The following PFKM variants were observed in gnomAD, a reference collection of about 807,000 sequenced individuals.
The protein encoded by PFKM is phosphofructokinase, muscle.
In PFKM, 58 loss-of-function variants were observed where a neutral mutation model predicts 95.5. The observed-to-expected ratio is 0.61, with a 90% confidence interval of 0.49 to 0.76. PFKM has a LOEUF of 0.76. Ranked by LOEUF, PFKM falls within the 30% of genes least tolerant of loss-of-function variation. The pLI is 0.00. For synonymous variants in PFKM, 336 were observed against 357.2 expected, an observed-to-expected ratio of 0.94 and a Z score of 0.67; for missense variants, 678 against 1,005.4, an observed-to-expected ratio of 0.67 and a Z score of 4.40.
At chr12:48,110,220 C>T (rs1947061005) in intron 3 of PFKM, among the ~76,000 whole-genome samples, 1 of 152,010 alleles carries the variant, frequency 6.6e-6, no homozygotes. Flanking sequence ...GGCTGTGAAA[C>T]GGGAAAGAGC....
At position 48,139,913 on chromosome 12, in the gene PFKM, G is replaced by A. The variant is rs746348793; in HGVS notation, c.1191+1G>A. 1.7e-5 allele frequency: 28 copies of A among 1,604,168 alleles called. No homozygotes were observed. The highest frequency in any genetic ancestry group is 2.3e-5 in the Non-Finnish European group (27 of 1,171,174). The stretch of plus-strand genomic sequence containing the variant: ...TCATGTCAGACCCCCGGTATCTAAG[G>A]TACTGGCAAGTTGACTTGCCCTCTC... On this transcript the variant is annotated splice_donor_variant, in intron 13 of 22. Coordinates refer to ENST00000359794, the MANE Select transcript of PFKM (RefSeq NM_000289.6). LOFTEE classifies it high-confidence loss of function.
intron 3 of PFKM, among the ~76,000 whole-genome samples, chr12:48,110,497 A>G (rs1947084428): frequency 6.6e-6 from 1 of 152,160 alleles, no homozygotes; most frequent in Non-Finnish European, 1.5e-5. Context: ...CCTCTAGGCA[A>G]TGCATCACTA....
rs568533214 is a variant in PFKM at position 48,133,546 on chromosome 12, G to C, written c.593+66G>C. On this transcript the variant is annotated intron_variant, in intron 6 of 22. Transcript: ENST00000359794. The stretch of plus-strand genomic sequence containing the variant: ...GCTAGGACAGGCTAAAGGGCTAGAA[G>C]CTCCTGAAGACTAAAGCGTTTGAGC... The C allele has an allele frequency of 5.8e-5, 83 of 1,432,822 alleles. No homozygotes were observed. The East Asian group carries it at 1.7e-3, about 30-fold the overall frequency. 88.8% of individuals were successfully genotyped at this position (1,432,822 alleles called of 1,614,324 possible).
At position 48,141,362 on chromosome 12, in the gene PFKM, T is replaced by C. The variant is rs1310183638; in HGVS notation, c.1393T>C (p.Ser465Pro). The change falls in exon 15 of 23, where the codon TCT (serine) becomes CCT (proline). Residue 465 changes from serine to proline, a missense_variant. Transcript: ENST00000359794. ...TGGGGGCTGGACTGGCCAAGGTGGC[T>C]CTAAACTTGGGACTAAAAGGTAAGT... ...YVGGWTGQGG[S>P]KLGTKRTLPK... is the part of the protein sequence containing the mutation. 3 of 1,614,100 alleles carry C rather than the reference T, an allele frequency of 1.9e-6. No homozygotes were observed. The highest frequency in any genetic ancestry group is 1.1e-5 in the South Asian group (1 of 91,086).
intron 10 of PFKM, among the ~76,000 whole-genome samples, chr12:48,135,921 C>T (rs987180508): frequency 1.3e-5 from 1 of 78,142 alleles, no homozygotes; most frequent in Non-Finnish European, 3.0e-5. Context: ...CGCACCATTG[C>T]ACTCGCTCCC....
intron 7 of PFKM, 127 bp from the exon 8 acceptor site, chr12:48,134,594 C>A: frequency 1.3e-6 from 1 of 791,078 alleles, no homozygotes; most frequent in Non-Finnish European, 2.2e-6. Flanking sequence ...TTACCCTTGC[C>A]CCACGAATAA....
At chr12:48,110,745 T>C (rs936908013) in intron 3 of PFKM, among the ~76,000 whole-genome samples, 2 of 152,216 alleles carry the variant, frequency 1.3e-5, no homozygotes, top group Admixed American at 6.5e-5. Flanking sequence ...TCTTGTCTCT[T>C]ACCTGGCAGG....
intron 7 of PFKM, 101 bp downstream of exon 7, chr12:48,134,377 G>A (rs773481855): frequency 1.0e-6 from 1 of 981,846 alleles, no homozygotes; most frequent in Non-Finnish European, 1.7e-6. Context: ...AGCAGATCTG[G>A]AGGTGCACAT....
chr12:48,144,991 A>G (rs780966494), intron 20 of PFKM, 40 bp from the exon 21 acceptor site: 2 of 1,375,276 alleles, frequency 1.5e-6, no homozygotes, highest in South Asian at 2.3e-5. Context: ...CCACTTCATT[A>G]GAGTCCTTCC....
chr12:48,142,516 G>GTTT, intron 17 of PFKM: 4 of 423,048 alleles, frequency 9.5e-6, no homozygotes, highest in East Asian at 4.4e-5. Context: ...TGTTTTGTTT[G>GTTT]TTTTTTTTTT....
chr12:48,127,701 C>T (rs1193738274), intron 2 of PFKM, among the ~76,000 whole-genome samples: 1 of 152,204 alleles, frequency 6.6e-6, no homozygotes, highest in Admixed American at 6.5e-5. Flanking sequence ...ACACTGCTGC[C>T]AGAGTTATCT....
intron 13 of PFKM, 68 bp downstream of exon 13, chr12:48,139,980 T>C: frequency 9.8e-7 from 1 of 1,021,968 alleles, no homozygotes; most frequent in Non-Finnish European, 1.5e-6. Context: ...TCATAAATGC[T>C]ACCACAGTCC....
chr12:48,134,816 G>A lies in PFKM; in HGVS notation c.734G>A (p.Arg245His). The change falls in exon 8 of 23, where the codon CGC (arginine) becomes CAC (histidine). Residue 245 changes from arginine (R) to histidine (H), a missense_variant. Coordinates refer to ENST00000359794, the MANE Select transcript of PFKM (RefSeq NM_000289.6). ...PDDDWEEHLC[R>H]RLSETRTRGS... Reference sequence around the variant, plus strand: ...GACGACTGGGAGGAACACCTTTGTCGCCGACTCAGCGAGGTACTTGCACTT... The same window carrying A: ...GACGACTGGGAGGAACACCTTTGTCACCGACTCAGCGAGGTACTTGCACTT... 4 of 1,613,462 alleles carry A rather than the reference G, an allele frequency of 2.5e-6. No individual in the cohort carries two copies. Among genetic ancestry groups the A allele is most frequent in the Non-Finnish European group, 3.4e-6 (4 of 1,179,476 alleles).
intron 1 of PFKM, chr12:48,120,048 A>G (rs559835121): frequency 6.6e-6 from 1 of 152,350 alleles, no homozygotes; most frequent in East Asian, 1.9e-4. Flanking sequence ...GTGAATGAGA[A>G]GAAAAAACGG....
intron 3 of PFKM, 46 bp downstream of exon 3, chr12:48,130,482 C>T: frequency 7.3e-7 from 1 of 1,368,274 alleles, no homozygotes; most frequent in Non-Finnish European, 1.0e-6. Context: ...CTGTCTTCTT[C>T]TAAATCTGCC....
intron 1 of PFKM, chr12:48,106,565 C>A (rs928689272): frequency 5.3e-6 from 1 of 187,680 alleles, no homozygotes. Context: ...ATTGGAGATA[C>A]TTTAGTCTTA....
intron 1 of PFKM, among the ~76,000 whole-genome samples, chr12:48,120,210 C>T (rs1423292727): frequency 6.6e-6 from 1 of 152,064 alleles, no homozygotes; most frequent in Non-Finnish European, 1.5e-5. Context: ...TCTAGTCACG[C>T]GTGTCTCTAT....
chr12:48,134,053 A>G (rs568444108), intron 6 of PFKM, among the ~76,000 whole-genome samples, 179 bp from the exon 7 acceptor site: 3 of 152,152 alleles, frequency 2.0e-5, no homozygotes, highest in Admixed American at 6.5e-5. Flanking sequence ...TCTCAGGCCT[A>G]GGAAGGATAC....
intron 5 of PFKM, 58 bp from the exon 6 acceptor site, chr12:48,133,257 C>A: frequency 6.8e-7 from 1 of 1,476,100 alleles, no homozygotes; most frequent in Non-Finnish European, 9.5e-7. Flanking sequence ...TAGATATCTC[C>A]TCTTTAGGCA....
Sources: allele counts gnomAD v4.1 joint callset (sites outside exome capture counted in the v4.1 genomes callset), GRCh38; gene constraint gnomAD v4.1.1; transcripts MANE v1.5; gene names NCBI Gene and HGNC (gene_info 2026-07-23, HGNC 2026-07-21).